The following SHROOM3 variants were observed in gnomAD, a reference collection of about 807,000 sequenced individuals.
SHROOM3 encodes protein Shroom3.
Under a neutral mutation model 138.6 loss-of-function variants are expected in SHROOM3, and 47 were observed. The ratio of observed to expected loss-of-function variants is 0.34; its 90% CI spans 0.27 to 0.43. SHROOM3 has a LOEUF of 0.43. Ranked by LOEUF, SHROOM3 falls within the 20% of genes least tolerant of loss-of-function variation. SHROOM3 has a pLI of 1.00. For synonymous variants in SHROOM3, 1,062 were observed against 1,063.3 expected, an observed-to-expected ratio of 1.00 and a Z score of 0.02; for missense variants, 2,491 against 2,596.5, an observed-to-expected ratio of 0.96 and a Z score of 0.88.
chr4:76,774,450 G>A (rs1017893268), intron 10 of SHROOM3, among the ~76,000 whole-genome samples: 38 of 152,108 alleles, frequency 2.5e-4, no homozygotes, highest in Admixed American at 2.0e-3. Flanking sequence ...GATTGGGGAG[G>A]AGTATCTATA....
intron 2 of SHROOM3, among the ~76,000 whole-genome samples, chr4:76,646,225 A>AATATATATATATATATATATATAT (rs371944513): frequency 9.4e-5 from 9 of 96,118 alleles, no homozygotes; most frequent in African/African-American, 2.6e-4. Flanking sequence ...ATAATAAATA[A>AATATATATATATATATATATATAT]ATATATATAT....
intron 1 of SHROOM3, among the ~76,000 whole-genome samples, chr4:76,487,736 AAC>A (rs1731762048): frequency 6.6e-6 from 1 of 152,190 alleles, no homozygotes; most frequent in African/African-American, 2.4e-5. Context: ...CTGCACTTGG[AAC>A]ACAGACAGTA....
rs187411613 is a variant in SHROOM3 at position 76,614,450 on chromosome 4, A to C, written c.323+58687A>C. On this transcript the variant is annotated intron_variant, in intron 2 of 10. Coordinates refer to ENST00000296043, the MANE Select transcript of SHROOM3 (RefSeq NM_020859.4). The stretch of plus-strand genomic sequence containing the variant: ...ATCTAAAGGAGTCAGCTGCTTCTCA[A>C]CTCTAATAGGTTATTTTTATTTTTA... Among the ~76,000 whole-genome samples the C allele has an allele frequency of 3.8e-4, 57 of 151,898 alleles. 1 individual carries two copies. In the East Asian group the frequency reaches 9.7e-3, roughly 26 times the overall value.
At position 76,546,923 on chromosome 4, in the gene SHROOM3, G is replaced by A. The variant is rs181122682; in HGVS notation, c.169-8686G>A. ...AAAAAGTTGGCTAAATTCTGCTGTG[G>A]TAGACTTCTACCGGATGAGTTTAAT... On this transcript the variant is annotated intron_variant, in intron 1 of 10. Coordinates refer to ENST00000296043, the MANE Select transcript of SHROOM3 (RefSeq NM_020859.4). Among the ~76,000 whole-genome samples, 4 of 152,312 alleles carry A rather than the reference G, an allele frequency of 2.6e-5. No homozygotes were observed. The East Asian group carries it at 7.7e-4, about 29-fold the overall frequency.
intron 6 of SHROOM3, among the ~76,000 whole-genome samples, chr4:76,753,540 A>T (rs1403658880): frequency 6.6e-6 from 1 of 152,182 alleles, no homozygotes; most frequent in African/African-American, 2.4e-5. Context: ...TCCTCACATT[A>T]ACTCTTGCAT....
chr4:76,480,482 A>G (rs1731584514), intron 1 of SHROOM3, among the ~76,000 whole-genome samples: 1 of 152,212 alleles, frequency 6.6e-6, no homozygotes, highest in South Asian at 2.1e-4. Context: ...ACCCAGATTC[A>G]TAAAGCAAGT....
At chr4:76,543,240 C>T (rs1014936376) in intron 1 of SHROOM3, among the ~76,000 whole-genome samples, 12 of 152,056 alleles carry the variant, frequency 7.9e-5, no homozygotes, top group Non-Finnish European at 4.4e-5. Context: ...GTTTCAGGGG[C>T]TTCAGGAGGG....
rs73828197 is a variant in SHROOM3, at chr4:76,622,619, A to G, written c.323+66856A>G. Reference sequence around the variant, plus strand: ...TATAGATTATATTTTTGGCTCAAGAAGGAACAAAAAATGGAATTTGGAAGG... The same window carrying G: ...TATAGATTATATTTTTGGCTCAAGAGGGAACAAAAAATGGAATTTGGAAGG... On this transcript the variant is annotated intron_variant, in intron 2 of 10. Transcript: ENST00000296043. 2.9e-3 allele frequency among the ~76,000 whole-genome samples: 443 copies of G among 152,220 alleles called. 2 individuals carry two copies. Among genetic ancestry groups the G allele is most frequent in the African/African-American group, 0.01 (424 of 41,542 alleles).
chr4:76,724,986 A>G (rs1255838883), intron 3 of SHROOM3, among the ~76,000 whole-genome samples: 2 of 151,852 alleles, frequency 1.3e-5, no homozygotes, highest in Non-Finnish European at 2.9e-5. Context: ...TTCATCACTT[A>G]CCTCCTATCT....
intron 2 of SHROOM3, among the ~76,000 whole-genome samples, chr4:76,596,341 G>A (rs968142510): frequency 6.6e-6 from 1 of 152,150 alleles, no homozygotes; most frequent in Admixed American, 6.5e-5. Context: ...GAGCCTGGGA[G>A]GTAGAGGCTA....
intron 2 of SHROOM3, among the ~76,000 whole-genome samples, chr4:76,645,033 G>A (rs894421487): frequency 6.6e-5 from 10 of 152,304 alleles, no homozygotes; most frequent in Middle Eastern, 6.8e-3. Context: ...CTTGCTCAAG[G>A]TCATACAGTT....
At chr4:76,749,318 G>A (rs969926226) in intron 6 of SHROOM3, among the ~76,000 whole-genome samples, 33 of 152,166 alleles carry the variant, frequency 2.2e-4, no homozygotes, top group African/African-American at 8.0e-4. Flanking sequence ...CATGTGCCAT[G>A]TTGGTGTGCT....
At chr4:76,605,779 T>C (rs1231227038) in intron 2 of SHROOM3, among the ~76,000 whole-genome samples, 5 of 151,580 alleles carry the variant, frequency 3.3e-5, no homozygotes, top group African/African-American at 1.2e-4. Flanking sequence ...AAAATCCTTG[T>C]TTTCTAAAAT....
rs142682713 is a variant in SHROOM3, at chr4:76,754,204, G to A, written c.3828-107G>A. The stretch of plus-strand genomic sequence containing the variant: ...TGCAGTTTCTGGGGGAAGGAAAAGA[G>A]GTCCTCCTTCCTCTTAAATGCTTTT... On this transcript the variant is annotated intron_variant, in intron 6 of 10. Transcript: ENST00000296043. 1,741 of 1,419,422 alleles carry A rather than the reference G, an allele frequency of 1.2e-3. 6 individuals are homozygous for A. Among genetic ancestry groups the A allele is most frequent in the African/African-American group, 9.8e-3 (699 of 71,294 alleles). 87.9% of individuals were successfully genotyped at this position (1,419,422 alleles called of 1,614,324 possible).
intron 9 of SHROOM3, among the ~76,000 whole-genome samples, chr4:76,761,375 G>A (rs556283576): frequency 4.1e-4 from 62 of 152,274 alleles, no homozygotes; most frequent in Non-Finnish European, 6.5e-4. Flanking sequence ...ACAACATTAG[G>A]TAGTATGTAT....
chr4:76,614,196 A>C (rs920877206), intron 2 of SHROOM3, among the ~76,000 whole-genome samples: 1 of 152,116 alleles, frequency 6.6e-6, no homozygotes, highest in Admixed American at 6.5e-5. Flanking sequence ...CTGGGACTAC[A>C]GGCGCCTGCC....
At chr4:76,771,064 T>C (rs1220490270) in intron 10 of SHROOM3, among the ~76,000 whole-genome samples, 166 bp downstream of exon 10, 2 of 152,158 alleles carry the variant, frequency 1.3e-5, no homozygotes, top group African/African-American at 4.8e-5. Context: ...AGGCATTTTC[T>C]GTGTTGAGAT....
At chr4:76,441,081 A>AT (rs1402626290) in intron 1 of SHROOM3, among the ~76,000 whole-genome samples, 1 of 78,754 alleles carries the variant, frequency 1.3e-5, no homozygotes, top group Admixed American at 1.5e-4. Context: ...TCCTGAGTTC[A>AT]ATTTGTTTTT....
At chr4:76,590,563 C>T (rs1422069256) in intron 2 of SHROOM3, among the ~76,000 whole-genome samples, 2 of 151,132 alleles carry the variant, frequency 1.3e-5, no homozygotes, top group Non-Finnish European at 2.9e-5. Flanking sequence ...AAAACTGCTC[C>T]ACTGCTCAAG....
Sources: allele counts gnomAD v4.1 joint callset (sites outside exome capture counted in the v4.1 genomes callset), GRCh38; gene constraint gnomAD v4.1.1; transcripts MANE v1.5; gene names NCBI Gene and HGNC (gene_info 2026-07-23, HGNC 2026-07-21).